The following DNAAF9 variants were observed in gnomAD, a reference collection of about 807,000 sequenced individuals.
DNAAF9 encodes the protein dynein axonemal assembly factor 9.
In DNAAF9, 90 loss-of-function variants were observed where a neutral mutation model predicts 167.0. That is an observed-to-expected ratio of 0.54 (90% CI 0.45 to 0.64). DNAAF9 has a LOEUF of 0.64. Ranked by LOEUF, DNAAF9 falls within the 30% of genes least tolerant of loss-of-function variation. DNAAF9 has a pLI of 0.00. For synonymous variants in DNAAF9, 491 were observed against 508.8 expected, an observed-to-expected ratio of 0.96 and a Z score of 0.47; for missense variants, 1,315 against 1,442.2, an observed-to-expected ratio of 0.91 and a Z score of 1.43.
At chr20:3,316,890 CTTT>C (rs11424663) in intron 17 of DNAAF9, 97 bp from the exon 18 acceptor site, 3,814 of 248,718 alleles carry the variant, frequency 0.015, no homozygotes, top group South Asian at 0.024. Context: ...AGCTAGGGTT[CTTT>C]TTTTTTTTTT....
intron 1 of DNAAF9, among the ~76,000 whole-genome samples, chr20:3,385,424 A>AT (rs535506649): frequency 1.4e-4 from 21 of 149,688 alleles, no homozygotes; most frequent in East Asian, 1.9e-4. Context: ...ATCAATTGTA[A>AT]TTTTTTTTTT....
intron 30 of DNAAF9, among the ~76,000 whole-genome samples, chr20:3,267,585 T>G (rs1263424319): frequency 2.0e-5 from 3 of 150,710 alleles, no homozygotes; most frequent in Non-Finnish European, 4.4e-5. Flanking sequence ...AATCAACATT[T>G]GATCTTTGGG....
At chr20:3,362,266 TC>T in intron 6 of DNAAF9, 1 of 1,316,832 alleles carries the variant, frequency 7.6e-7, no homozygotes. Flanking sequence ...TTCTTCGAGT[TC>T]TTCCAACAGT....
rs146518833 is a variant in DNAAF9, at chr20:3,374,284, TAC to T, written c.506-132_506-131del. ...CAGGGCCTCACCTAGCAAAATAAAA[TAC>T]AAACAGATAAAATGGTTAGATATTG... is the stretch of plus-strand genomic sequence containing the variant. On this transcript the variant is annotated intron_variant, in intron 5 of 36. Transcript: ENST00000252032. 3.6e-3 allele frequency: 1,784 copies of T among 496,854 alleles called. 24 individuals carry two copies. The highest frequency in any genetic ancestry group is 0.032 in the African/African-American group (1,658 of 52,014). The allele number at this position is 496,854 out of a possible 1,614,324, so 30.8% of individuals were successfully genotyped here.
intron 25 of DNAAF9, among the ~76,000 whole-genome samples, chr20:3,292,220 G>A (rs922412626): frequency 2.0e-5 from 3 of 151,750 alleles, no homozygotes; most frequent in Admixed American, 6.6e-5. Context: ...GGCTGGTCTC[G>A]AACTCCTGAC....
At chr20:3,325,017 T>C in intron 13 of DNAAF9, 49 bp from the exon 14 acceptor site, 1 of 1,038,496 alleles carries the variant, frequency 9.6e-7, no homozygotes, top group South Asian at 1.3e-5. Flanking sequence ...CAGGAAAAAG[T>C]ACACATATCA....
chr20:3,316,424 T>G (rs562009508), intron 18 of DNAAF9, among the ~76,000 whole-genome samples: 2 of 152,194 alleles, frequency 1.3e-5, no homozygotes, highest in South Asian at 4.1e-4. Context: ...GCCGTTCAAC[T>G]CCTAAGCTCA....
chr20:3,396,017 T>C (rs1410703641), intron 1 of DNAAF9, among the ~76,000 whole-genome samples: 2 of 152,198 alleles, frequency 1.3e-5, no homozygotes, highest in Non-Finnish European at 2.9e-5. Context: ...TGAGATCTGA[T>C]GGTTTTAAAA....
At chr20:3,337,437 T>TTGG (rs1340635170) in intron 10 of DNAAF9, among the ~76,000 whole-genome samples, 2 of 107,080 alleles carry the variant, frequency 1.9e-5, no homozygotes, top group Admixed American at 1.8e-4. Flanking sequence ...GTTCTTTTTT[T>TTGG]TTGTTTTTTT....
chr20:3,255,086 G>A, intron 35 of DNAAF9, 133 bp downstream of exon 35: 1 of 616,784 alleles, frequency 1.6e-6, no homozygotes, highest in East Asian at 2.8e-5. Context: ...GCTTCCCTCT[G>A]TGGCCTGGGA....
At position 3,294,289 on chromosome 20, in the gene DNAAF9, C is replaced by T. The variant is rs537070474; in HGVS notation, c.2121-33G>A. The T allele has an allele frequency of 4.3e-6, 6 of 1,410,320 alleles. No homozygotes were observed. In the South Asian group the frequency reaches 7.0e-5, roughly 16 times the overall value. 87.4% of individuals were successfully genotyped at this position (1,410,320 alleles called of 1,614,324 possible). On this transcript the variant is annotated intron_variant, in intron 24 of 36. Coordinates refer to ENST00000252032, the MANE Select transcript of DNAAF9 (RefSeq NM_001009984.3). ...CACAAAGACAATGCTATTATGTTACCATCCTAGCCTGTCCTGAAGGTGCCT... is the reference window on the plus strand; with the variant it reads ...CACAAAGACAATGCTATTATGTTACTATCCTAGCCTGTCCTGAAGGTGCCT...
chr20:3,294,279 A>G (rs2069023106), intron 24 of DNAAF9, 23 bp from the exon 25 acceptor site: 1 of 1,484,400 alleles, frequency 6.7e-7, no homozygotes, highest in Admixed American at 1.7e-5. Flanking sequence ...AGACAATGCT[A>G]TTATGTTACC....
At chr20:3,382,910 T>C (rs2083680423) in intron 1 of DNAAF9, among the ~76,000 whole-genome samples, 1 of 152,156 alleles carries the variant, frequency 6.6e-6, no homozygotes, top group South Asian at 2.1e-4. Context: ...GTGGTCCTCA[T>C]CAGTCTGTCT....
At position 3,362,466 on chromosome 20, in the gene DNAAF9, C is replaced by A. The variant is rs186876503; in HGVS notation, c.613-2873G>T. On this transcript the variant is annotated intron_variant, in intron 6 of 36. Transcript: ENST00000252032. ...TTATTATTCTTAGAAGTACTAACAG[C>A]TTCATTTTTTTCACCTGTATAATTT... The A allele has an allele frequency of 1.8e-5, 7 of 384,956 alleles. No individual in the cohort carries two copies. The East Asian group carries it at 2.8e-4, about 15-fold the overall frequency. The allele number at this position is 384,956 out of a possible 1,614,324, so 23.8% of individuals were successfully genotyped here.
chr20:3,345,317 T>C (rs573548438), intron 8 of DNAAF9, among the ~76,000 whole-genome samples: 3 of 152,338 alleles, frequency 2.0e-5, no homozygotes, highest in Non-Finnish European at 4.4e-5. Flanking sequence ...GTAAAAACTA[T>C]AGATTAACAT....
chr20:3,325,842 T>C (rs1228161728), intron 13 of DNAAF9, among the ~76,000 whole-genome samples: 2 of 152,144 alleles, frequency 1.3e-5, no homozygotes, highest in Non-Finnish European at 2.9e-5. Context: ...TACCAAACTT[T>C]ATTAGATTTC....
At chr20:3,389,584 T>G (rs140128124) in intron 1 of DNAAF9, among the ~76,000 whole-genome samples, 1 of 151,042 alleles carries the variant, frequency 6.6e-6, no homozygotes, top group African/African-American at 2.4e-5. Flanking sequence ...ATGTGCAACA[T>G]AGCAAGACCC....
intron 30 of DNAAF9, among the ~76,000 whole-genome samples, chr20:3,265,532 G>A (rs2068473687): frequency 7.9e-6 from 1 of 126,142 alleles, no homozygotes; most frequent in South Asian, 3.0e-4. Flanking sequence ...ACGAGATCAC[G>A]CCACTGCACT....
At chr20:3,319,386 T>C (rs1053864804) in intron 16 of DNAAF9, among the ~76,000 whole-genome samples, 1 of 150,722 alleles carries the variant, frequency 6.6e-6, no homozygotes, top group Non-Finnish European at 1.5e-5. Flanking sequence ...AGCTCCCAAA[T>C]GTCTGGTAAG....
Sources: gnomAD v4.1 joint callset for allele counts (sites outside exome capture counted in the v4.1 genomes callset) on GRCh38, gnomAD v4.1.1 for gene constraint, MANE v1.5 for transcripts, NCBI Gene and HGNC (gene_info 2026-07-23, HGNC 2026-07-21) for gene names.